The following TMEM135 variants were observed in gnomAD, a reference collection of about 807,000 sequenced individuals.
The protein encoded by TMEM135 is peroxisomal membrane protein 52.
TMEM135 carries 30 observed loss-of-function variants against 60.3 expected under a neutral mutation model. The observed-to-expected ratio is 0.50, with a 90% CI of 0.37 to 0.68. The LOEUF (loss-of-function observed/expected upper bound fraction) is 0.68. TMEM135 is among the 30% of genes least tolerant of loss of function. TMEM135 has a pLI of 0.00. For missense variants in TMEM135, 468 were observed against 548.8 expected (o/e 0.85, Z 1.47); for synonymous variants, 190 against 186.7 (o/e 1.02, Z -0.14).
At chr11:87,311,007 T>C (rs538362945) in intron 10 of TMEM135, among the ~76,000 whole-genome samples, 12 of 151,686 alleles carry the variant, frequency 7.9e-5, no homozygotes, top group African/African-American at 2.9e-4. Flanking sequence ...AAATTATAAA[T>C]ATATATTTTA....
At chr11:87,083,715 A>G (rs1481868442) in intron 3 of TMEM135, among the ~76,000 whole-genome samples, 2 of 152,214 alleles carry the variant, frequency 1.3e-5, no homozygotes, top group African/African-American at 2.4e-5. Context: ...TTTATGTACT[A>G]TATAAGATAG....
intron 5 of TMEM135, among the ~76,000 whole-genome samples, chr11:87,170,602 G>A (rs1394526355): frequency 6.6e-6 from 1 of 152,134 alleles, no homozygotes; most frequent in African/African-American, 2.4e-5. Context: ...TGTTTGCATG[G>A]GTATTCACCA....
chr11:87,285,624 T>C (rs493036), intron 6 of TMEM135, among the ~76,000 whole-genome samples: 90,202 of 151,860 alleles, frequency 0.59, 26,995 homozygotes, highest in African/African-American at 0.63. Flanking sequence ...TGCAGACCTT[T>C]GCAGTAAGTG....
At chr11:87,110,892 G>A (rs369074698) in intron 4 of TMEM135, among the ~76,000 whole-genome samples, 12 of 152,218 alleles carry the variant, frequency 7.9e-5, no homozygotes, top group South Asian at 2.1e-4. Context: ...CTAGCATTGC[G>A]CAGTCATATT....
At position 87,323,869 on chromosome 11, in the gene TMEM135, A is replaced by T. The variant is rs1290079453; in HGVS notation, c.*2536A>T. 2 of 451,962 alleles carry T rather than the reference A, an allele frequency of 4.4e-6. No individual in the cohort carries two copies. Among genetic ancestry groups the T allele is most frequent in the Non-Finnish European group, 8.8e-6 (2 of 226,382 alleles). The allele number at this position is 451,962 out of a possible 1,614,324, so 28.0% of individuals were successfully genotyped here. A position where few individuals can be genotyped will look rare whatever the true frequency, so the allele number is the denominator to read the frequency against. ...ACCTTTGGTTTAGTTTTATTTTCCCATAAATTCTGCTTTTGCTTCTGTAAC... is the reference window on the plus strand; with the variant it reads ...ACCTTTGGTTTAGTTTTATTTTCCCTTAAATTCTGCTTTTGCTTCTGTAAC... On this transcript the variant is annotated 3_prime_UTR_variant, in exon 15 of 15. Coordinates refer to ENST00000305494, the MANE Select transcript of TMEM135 (RefSeq NM_022918.4).
intron 5 of TMEM135, among the ~76,000 whole-genome samples, chr11:87,204,359 A>G (rs768928824): frequency 6.6e-6 from 1 of 151,932 alleles, no homozygotes; most frequent in Non-Finnish European, 1.5e-5. Context: ...TGTTCTTCCT[A>G]CTTCTTCCCT....
At chr11:87,208,692 T>C (rs1940293863) in intron 5 of TMEM135, among the ~76,000 whole-genome samples, 2 of 152,188 alleles carry the variant, frequency 1.3e-5, no homozygotes, top group South Asian at 2.1e-4. Flanking sequence ...GAGGTTGACA[T>C]GCAAATTCAA....
At chr11:87,078,701 C>T (rs139531706) in intron 3 of TMEM135, among the ~76,000 whole-genome samples, 9 of 152,122 alleles carry the variant, frequency 5.9e-5, no homozygotes, top group Non-Finnish European at 7.4e-5. Context: ...GCAACCTCCA[C>T]CTCCTGGGTT....
chr11:87,173,339 T>A (rs1465582732), intron 5 of TMEM135, among the ~76,000 whole-genome samples: 1 of 152,152 alleles, frequency 6.6e-6, no homozygotes, highest in Non-Finnish European at 1.5e-5. Context: ...TGGAATCAGA[T>A]CTAGTGTTCC....
At chr11:87,126,801 T>C (rs1937746884) in intron 4 of TMEM135, among the ~76,000 whole-genome samples, 2 of 152,082 alleles carry the variant, frequency 1.3e-5, no homozygotes, top group Non-Finnish European at 2.9e-5. Context: ...ACTAAGTAGG[T>C]GTATGTACTG....
intron 4 of TMEM135, among the ~76,000 whole-genome samples, chr11:87,126,594 T>TAA (rs1385572242): frequency 1.8e-5 from 2 of 114,072 alleles, no homozygotes; most frequent in Non-Finnish European, 3.8e-5. Context: ...CTTTGCTTTT[T>TAA]AAAATATATA....
At chr11:87,145,150 T>C (rs1241642048) in intron 4 of TMEM135, among the ~76,000 whole-genome samples, 2 of 152,190 alleles carry the variant, frequency 1.3e-5, no homozygotes, top group East Asian at 1.9e-4. Context: ...TTCTACTTTC[T>C]GCTATGGGTT....
intron 6 of TMEM135, among the ~76,000 whole-genome samples, chr11:87,295,001 A>G (rs1942324861): frequency 6.6e-6 from 1 of 152,088 alleles, no homozygotes; most frequent in Admixed American, 6.6e-5. Context: ...AAGTCAGACA[A>G]TCCCCTCCAG....
intron 4 of TMEM135, among the ~76,000 whole-genome samples, chr11:87,100,013 G>C (rs1271220643): frequency 6.6e-6 from 1 of 152,080 alleles, no homozygotes. Flanking sequence ...TTCCTGAGTG[G>C]TGGCTGTATC....
intron 12 of TMEM135, among the ~76,000 whole-genome samples, chr11:87,316,282 G>A (rs987962123): frequency 7.6e-5 from 11 of 144,732 alleles, no homozygotes; most frequent in Admixed American, 1.4e-4. Flanking sequence ...GTGTGTGTGT[G>A]TGTGAGAGAG....
intron 6 of TMEM135, among the ~76,000 whole-genome samples, chr11:87,247,091 G>T (rs1249237996): frequency 6.0e-5 from 9 of 150,138 alleles, no homozygotes; most frequent in South Asian, 4.3e-4. Context: ...TCAGCTGCAG[G>T]TCTGTTGGAG....
chr11:87,118,099 G>A (rs541746842), intron 4 of TMEM135, among the ~76,000 whole-genome samples: 1 of 151,826 alleles, frequency 6.6e-6, no homozygotes, highest in Non-Finnish European at 1.5e-5. Flanking sequence ...TTTCTGAGTA[G>A]CAGGTCTCAG....
At chr11:87,279,763 T>C (rs2135419150) in intron 6 of TMEM135, among the ~76,000 whole-genome samples, 1 of 152,362 alleles carries the variant, frequency 6.6e-6, no homozygotes, top group African/African-American at 2.4e-5. Flanking sequence ...TTCATCATTC[T>C]TCCCTGTCCC....
rs1004598014 is a variant in TMEM135, at chr11:87,111,616, A to C, written c.396+20221A>C. Among the ~76,000 whole-genome samples the C allele has an allele frequency of 1.4e-4, 21 of 148,132 alleles. No individual in the cohort carries two copies. In the East Asian group the frequency reaches 4.2e-3, roughly 29 times the overall value. ...CAGTGAGCTGAGATCGCACCACTGC[A>C]CTCCAGCCTGGGCGACTGAGCAAGA... On this transcript the variant is annotated intron_variant, in intron 4 of 14. Transcript: ENST00000305494.
Sources: gnomAD v4.1 joint callset for allele counts (sites outside exome capture counted in the v4.1 genomes callset) on GRCh38, gnomAD v4.1.1 for gene constraint, MANE v1.5 for transcripts, NCBI Gene and HGNC (gene_info 2026-07-23, HGNC 2026-07-21) for gene names.